Variants in ACLY observed in about 807,000 individuals in gnomAD.
ACLY encodes ATP citrate lyase, also known as ATP-citrate synthase.
In ACLY, 41 loss-of-function variants were observed where a neutral mutation model predicts 133.0. That is an observed-to-expected ratio of 0.31 (90% CI 0.24 to 0.40). The LOEUF (loss-of-function observed/expected upper bound fraction) is 0.40, where lower values mean the gene tolerates loss of function less well. Among genes scored for constraint, ACLY ranks in the 10% least tolerant of loss-of-function variants. The pLI is 1.00. For missense variants in ACLY, 1,046 were observed against 1,453.8 expected (o/e 0.72, Z 4.56); for synonymous variants, 495 against 549.3 (o/e 0.90, Z 1.38).
intron 14 of ACLY, among the ~76,000 whole-genome samples, chr17:41,893,416 A>G (rs1186505706): frequency 1.3e-5 from 2 of 152,236 alleles, no homozygotes; most frequent in African/African-American, 4.8e-5. Flanking sequence ...GCTGGTAAGT[A>G]GCTCTGCAAA....
chr17:41,877,684 A>G (rs558429085), intron 22 of ACLY, among the ~76,000 whole-genome samples: 1 of 152,182 alleles, frequency 6.6e-6, no homozygotes, highest in Non-Finnish European at 1.5e-5. Flanking sequence ...TGGGGAAGGC[A>G]GATCCACCCT....
chr17:41,880,852 C>T (rs1291084683), intron 20 of ACLY, among the ~76,000 whole-genome samples: 6 of 148,474 alleles, frequency 4.0e-5, no homozygotes, highest in East Asian at 4.0e-4. Context: ...GGCGACAGAG[C>T]GAGACTCCGT....
chr17:41,926,115 G>A (rs780530003), intron 1 of ACLY, among the ~76,000 whole-genome samples: 3 of 152,250 alleles, frequency 2.0e-5, no homozygotes, highest in East Asian at 1.9e-4. Flanking sequence ...AAAGTGCTGG[G>A]ATTACAGGAG....
intron 4 of ACLY, among the ~76,000 whole-genome samples, 177 bp from the exon 5 acceptor site, chr17:41,909,877 C>A (rs945566541): frequency 2.6e-5 from 4 of 152,170 alleles, no homozygotes; most frequent in Non-Finnish European, 5.9e-5. Flanking sequence ...CCATCTTTTC[C>A]CCGAGGACAA....
intron 2 of ACLY, 93 bp downstream of exon 2, chr17:41,913,622 C>A: frequency 7.2e-7 from 1 of 1,398,328 alleles, no homozygotes; most frequent in Non-Finnish European, 9.8e-7. Flanking sequence ...CCTCCAACCC[C>A]ATGACCCTAT....
At chr17:41,926,822 T>C (rs1401960444) in intron 1 of ACLY, among the ~76,000 whole-genome samples, 1 of 152,110 alleles carries the variant, frequency 6.6e-6, no homozygotes, top group Non-Finnish European at 1.5e-5. Flanking sequence ...TCTTAATATA[T>C]AATTAATGTA....
chr17:41,927,652 C>G (rs1476864129), intron 1 of ACLY, among the ~76,000 whole-genome samples: 1 of 152,022 alleles, frequency 6.6e-6, no homozygotes, highest in East Asian at 1.9e-4. Flanking sequence ...ACAGTGAAAC[C>G]CTGTCTCTAC....
In ACLY at chr17:41,872,182, C is replaced by T. The variant is rs782671519; in HGVS notation, c.2643G>A (p.Arg881=). 1.2e-5 allele frequency: 19 copies of T among 1,612,976 alleles called. No homozygotes were observed. Among genetic ancestry groups the T allele is most frequent in the Non-Finnish European group, 1.5e-5 (18 of 1,179,876 alleles). ...GVLGLLWFQK[R]LPKYSCQFIE... ...TGAACTGGCAAGAGTACTTAGGCAA[C>T]CTGGAGTGGGGGGAACAAAGGCCAG... Residue 881 remains arginine, a splice_region_variant and synonymous_variant, in exon 24 of 29, where the codon AGG becomes AGA. Transcript: ENST00000352035.
At chr17:41,907,316 GC>G in intron 7 of ACLY, 125 bp downstream of exon 7, 1 of 295,892 alleles carries the variant, frequency 3.4e-6, no homozygotes. Flanking sequence ...AAAATTAAAT[GC>G]TTCTCAGTCT....
rs142571943 is a variant in ACLY, at chr17:41,928,658, C to T, written c.-28+1700G>A. Among the ~76,000 whole-genome samples, 53 of 151,888 alleles carry T rather than the reference C, an allele frequency of 3.5e-4. No individual in the cohort carries two copies. The East Asian group carries it at 0.01, about 29-fold the overall frequency. ...CCTGAGGTCAGGAGTTCAAGACCAG[C>T]CTGGCCAACATGGTGAAACCTCATC... is the stretch of plus-strand genomic sequence containing the variant. On this transcript the variant is annotated intron_variant, in intron 1 of 3. Transcript: ENST00000592970.
chr17:41,901,532 GATA>G (rs2049541200), intron 11 of ACLY, among the ~76,000 whole-genome samples, 161 bp downstream of exon 11: 1 of 151,990 alleles, frequency 6.6e-6, no homozygotes, highest in Non-Finnish European at 1.5e-5. Flanking sequence ...CAAAGTTTAG[GATA>G]GCACTCTGTG....
intron 6 of ACLY, among the ~76,000 whole-genome samples, chr17:41,908,602 T>C (rs951457775): frequency 1.3e-5 from 2 of 152,034 alleles, no homozygotes; most frequent in Admixed American, 1.3e-4. Context: ...CCGTCTCTAC[T>C]AAAAATAAAA....
At chr17:41,897,944 C>T (rs782258330) in intron 12 of ACLY, 105 bp from the exon 13 acceptor site, 154 of 919,738 alleles carry the variant, frequency 1.7e-4, no homozygotes, top group Non-Finnish European at 9.3e-5. Flanking sequence ...AAATTATGCA[C>T]AGCAATGCTC....
At chr17:41,885,273 C>T (rs1567893071) in intron 18 of ACLY, among the ~76,000 whole-genome samples, 1 of 152,112 alleles carries the variant, frequency 6.6e-6, no homozygotes, top group Non-Finnish European at 1.5e-5. Context: ...TTTGGTCAGG[C>T]AGTACCCAAG....
Position 41,907,651 on chromosome 17 carries a change from ACCGATC to A in ACLY, c.617-85_617-80del, listed in dbSNP as rs1471943099. 5 of 1,524,940 alleles carry A rather than the reference ACCGATC, an allele frequency of 3.3e-6. No individual in the cohort carries two copies. In the African/African-American group the frequency reaches 6.9e-5, roughly 21 times the overall value. 94.5% of individuals were successfully genotyped at this position (1,524,940 alleles called of 1,614,324 possible). A position where few individuals can be genotyped will look rare whatever the true frequency, so the allele number is the denominator to read the frequency against. On this transcript the variant is annotated intron_variant, in intron 6 of 28. Coordinates refer to ENST00000352035, the MANE Select transcript of ACLY (RefSeq NM_001096.3). ...ACCAACCTCCAACCCCTCCACAAAC[ACCGATC>A]CCATGGTGGCCCATTCAGGCCTCAG...
intron 1 of ACLY, among the ~76,000 whole-genome samples, chr17:41,926,543 C>CAA (rs2050245753): frequency 6.6e-6 from 1 of 152,242 alleles, no homozygotes; most frequent in Non-Finnish European, 1.5e-5. Flanking sequence ...GGCTGAAGTG[C>CAA]AATGGCACGA....
At chr17:41,890,598 G>A (rs1555629045) in intron 16 of ACLY, among the ~76,000 whole-genome samples, 1 of 151,914 alleles carries the variant, frequency 6.6e-6, no homozygotes, top group African/African-American at 2.4e-5. Flanking sequence ...TGAGGCAGAA[G>A]AATCACTTGA....
Position 41,880,027 on chromosome 17 carries a change from G to C in ACLY, c.2266-1103C>G, listed in dbSNP as rs577054393. On this transcript the variant is annotated intron_variant, in intron 20 of 28. Coordinates refer to ENST00000352035, the MANE Select transcript of ACLY (RefSeq NM_001096.3). ...TTACAGGCATGAGCCAGCGCGCCCA[G>C]CGTGACTGAGTCTTTAATCAAGCGA... is the stretch of plus-strand genomic sequence containing the variant. Among the ~76,000 whole-genome samples the C allele has an allele frequency of 5.3e-5, 8 of 152,292 alleles. No homozygotes were observed. In the East Asian group the frequency reaches 1.3e-3, roughly 26 times the overall value.
intron 9 of ACLY, 66 bp downstream of exon 9, chr17:41,905,456 C>T: frequency 1.9e-6 from 3 of 1,602,856 alleles, no homozygotes; most frequent in South Asian, 2.2e-5. Context: ...CGAAGCTGTC[C>T]CATTGCAGCC....
Sources: allele counts gnomAD v4.1 joint callset (sites outside exome capture counted in the v4.1 genomes callset), GRCh38; gene constraint gnomAD v4.1.1; transcripts MANE v1.5; gene names NCBI Gene and HGNC (gene_info 2026-07-23, HGNC 2026-07-21).